The following LARGE2 variants were observed in gnomAD, a reference collection of about 807,000 sequenced individuals.
LARGE2 encodes xylosyl- and glucuronyltransferase LARGE2.
A neutral mutation model predicts 75.3 loss-of-function variants in LARGE2; 63 were observed. The ratio of observed to expected loss-of-function variants is 0.84; its 90% CI spans 0.68 to 1.03. The LOEUF (loss-of-function observed/expected upper bound fraction) is 1.03. LARGE2 is among the 50% of genes least tolerant of loss of function. LARGE2 has a pLI of 0.00. For synonymous variants in LARGE2, 428 were observed against 420.1 expected (o/e 1.02, Z -0.23); for missense variants, 925 against 980.6 (o/e 0.94, Z 0.76).
rs1340100556 is a variant in LARGE2, at chr11:45,922,942, G to GCTGCTC, written c.61_66dup (p.Leu21_Leu22dup). On this transcript the variant is annotated inframe_insertion, in exon 2 of 14. Coordinates refer to ENST00000401752, the MANE Select transcript of LARGE2 (RefSeq NM_001300721.2). ...CCGCCGCGCTGTTGCTGCTGCTGCTGCTGCTCGGATTCCTCCTGTTCGGTG... is the reference window on the plus strand; with the variant it reads ...CCGCCGCGCTGTTGCTGCTGCTGCTGCTGCTCCTGCTCGGATTCCTCCTGTTCGGTG... The GCTGCTC allele has an allele frequency of 7.8e-7, 1 of 1,288,232 alleles. No homozygotes were observed. 79.8% of individuals were successfully genotyped at this position (1,288,232 alleles called of 1,614,324 possible).
chr11:45,928,071 T>A lies in LARGE2; in HGVS notation c.1754+2T>A. On this transcript the variant is annotated splice_donor_variant, in intron 12 of 13. Coordinates refer to ENST00000401752, the MANE Select transcript of LARGE2 (RefSeq NM_001300721.2). LOFTEE classifies it high-confidence loss of function. ...TGCGGGCACTCTCTACACCTTCAGG[T>A]AGGAGAGGCTACTTCTCTGCCCACT... 1 of 1,613,532 alleles carries A rather than the reference T, an allele frequency of 6.2e-7. No individual in the cohort carries two copies. The highest frequency in any genetic ancestry group is 8.5e-7 in the Non-Finnish European group (1 of 1,179,908).
At position 45,927,348 on chromosome 11, in the gene LARGE2, G is replaced by A. The variant is rs199577565; in HGVS notation, c.1359G>A (p.Trp453Ter). 36 of 1,613,592 alleles carry A rather than the reference G, an allele frequency of 2.2e-5. No homozygotes were observed. The highest frequency in any genetic ancestry group is 5.9e-6 in the Non-Finnish European group (7 of 1,180,026). ...TGTTGGAAGCCCTGTGCAGGCACTG[G>A]CCTGGCCCCATGAGCCTGGCCTTGT... ...LQMLEALCRHWPGPMSLALYL... is the reference protein window; with the variant it reads ...LQMLEALCRH The change falls in exon 11 of 14, where the codon TGG (tryptophan) becomes TGA (stop). Residue 453 changes from tryptophan to a stop codon, truncating the protein, a stop_gained. Coordinates refer to ENST00000401752, the MANE Select transcript of LARGE2 (RefSeq NM_001300721.2). LOFTEE classifies it high-confidence loss of function.
upstream of LARGE2, among the ~76,000 whole-genome samples, chr11:45,922,083 G>T (rs1051855081): frequency 6.6e-6 from 1 of 152,078 alleles, no homozygotes; most frequent in African/African-American, 2.4e-5. Flanking sequence ...CCGCGTCTGG[G>T]GCCCCTCGCC....
intron 2 of LARGE2, 52 bp from the exon 3 acceptor site, chr11:45,923,421 C>T: frequency 2.6e-6 from 4 of 1,536,884 alleles, no homozygotes; most frequent in Non-Finnish European, 3.5e-6. Context: ...CATGGGTCCT[C>T]ACCGCCTAGC....
Position 45,922,911 on chromosome 11 carries a change from T to TG in LARGE2, c.34dup (p.Ala12GlyfsTer23). On this transcript the variant is annotated frameshift_variant, in exon 2 of 14. Transcript: ENST00000401752. LOFTEE classifies it high-confidence loss of function. ...CTGCCCCGAGGGCGCCCCCGGGCGC[T>TG]GGGGGCCGCCGCGCTGTTGCTGCTG... 8.0e-7 allele frequency: 1 copy of TG among 1,247,950 alleles called. No individual in the cohort carries two copies. Among genetic ancestry groups the TG allele is most frequent in the Non-Finnish European group, 1.0e-6 (1 of 1,000,332 alleles). 77.3% of individuals were successfully genotyped at this position (1,247,950 alleles called of 1,614,324 possible). A position where few individuals can be genotyped will look rare whatever the true frequency, so the allele number is the denominator to read the frequency against.
In LARGE2 at chr11:45,926,114, A is replaced by C; in HGVS notation, c.845A>C (p.Glu282Ala). ...ATGTGGAGGCTGACAGCCAGGCGGG[A>C]GCTCCTTAGCCTGCCTGCCACCTCA... ...EQMWRLTARR[E>A]LLSLPATSLA... Residue 282 changes from glutamate to alanine, a missense_variant, in exon 7 of 14, where the codon GAG becomes GCG. By Grantham distance (107) the Glu-to-Ala change is moderately radical. Around this residue, in one of 3 missense-constraint regions of LARGE2, gnomAD observed 453 missense variants for 460.2 expected, o/e 0.98. Coordinates refer to ENST00000401752, the MANE Select transcript of LARGE2 (RefSeq NM_001300721.2). The C allele has an allele frequency of 1.3e-6, 2 of 1,570,320 alleles. No homozygotes were observed. Among genetic ancestry groups the C allele is most frequent in the South Asian group, 2.3e-5 (2 of 86,238 alleles).
In LARGE2 at chr11:45,923,515, C is replaced by A; in HGVS notation, c.328C>A (p.Arg110=). ...AIVCAGHNSS[R]DVITLVKSML... is the part of the protein sequence containing the mutation. ...CGTGTGTGCGGGGCATAACTCCAGCCGAGACGTCATCACCCTGGTGAAGTC... is the reference window on the plus strand; with the variant it reads ...CGTGTGTGCGGGGCATAACTCCAGCAGAGACGTCATCACCCTGGTGAAGTC... Residue 110 remains arginine (R), a synonymous_variant, in exon 3 of 14, where the codon CGA becomes AGA. Coordinates refer to ENST00000401752, the MANE Select transcript of LARGE2 (RefSeq NM_001300721.2). The A allele has an allele frequency of 1.2e-6, 2 of 1,613,960 alleles. No individual in the cohort carries two copies. The highest frequency in any genetic ancestry group is 8.5e-7 in the Non-Finnish European group (1 of 1,179,998).
chr11:45,924,267 A>C lies in LARGE2; in HGVS notation c.482A>C (p.Asp161Ala). The C allele has an allele frequency of 6.2e-7, 1 of 1,613,272 alleles. No individual in the cohort carries two copies. Among genetic ancestry groups the C allele is most frequent in the Non-Finnish European group, 8.5e-7 (1 of 1,180,010 alleles). ...GTCCGTGTCAGCTTTTATCATGCCGACCAGCTCAAGGCAGGGGCCCAGCCC... is the reference window on the plus strand; with the variant it reads ...GTCCGTGTCAGCTTTTATCATGCCGCCCAGCTCAAGGCAGGGGCCCAGCCC... The part of the protein sequence containing the change: ...PAVRVSFYHA[D>A]QLKPQVSWIP... Residue 161 changes from aspartate (D) to alanine (A), a missense_variant, in exon 4 of 14, where the codon GAC becomes GCC. This residue lies in a region of LARGE2 where 453 missense variants were observed against 460.2 expected (regional missense o/e 0.98). Coordinates refer to ENST00000401752, the MANE Select transcript of LARGE2 (RefSeq NM_001300721.2).
intron 11 of LARGE2, 96 bp downstream of exon 11, chr11:45,927,689 G>T: frequency 6.6e-7 from 1 of 1,525,472 alleles, no homozygotes; most frequent in Non-Finnish European, 9.0e-7. Context: ...TCCTTTCTGG[G>T]CCTCAGTGGC....
Position 45,928,220 on chromosome 11 carries a change from C to T in LARGE2, c.1798C>T (p.Arg600Cys), listed in dbSNP as rs575481241. ...PRGHAPTDYA[R>C]WREAQAPYRV... ...AGGCCACGCACCCACAGACTATGCC[C>T]GCTGGCGGGAGGCTCAGGCCCCGTA... The change falls in exon 13 of 14, where the codon CGC becomes TGC. Residue 600 changes from arginine (R) to cysteine (C), a missense_variant. Around this residue, in one of 3 missense-constraint regions of LARGE2, gnomAD observed 469 missense variants for 503.8 expected, o/e 0.93. Coordinates refer to ENST00000401752, the MANE Select transcript of LARGE2 (RefSeq NM_001300721.2). 20 of 1,613,822 alleles carry T rather than the reference C, an allele frequency of 1.2e-5. No homozygotes were observed. The highest frequency in any genetic ancestry group is 6.6e-5 in the South Asian group (6 of 91,090).
chr11:45,926,592 G>A lies in LARGE2; in HGVS notation c.1159G>A (p.Glu387Lys), dbSNP rs1044551403. The A allele has an allele frequency of 9.9e-6, 16 of 1,613,942 alleles. No homozygotes were observed. The African/African-American group carries it at 1.6e-4, about 16-fold the overall frequency. The change falls in exon 9 of 14, where the codon GAG (glutamate) becomes AAG (lysine). Residue 387 changes from glutamate (E) to lysine (K), a missense_variant. Around this residue, in one of 3 missense-constraint regions of LARGE2, gnomAD observed 469 missense variants for 503.8 expected, o/e 0.93. Transcript: ENST00000401752. Reference protein sequence around the residue: ...VCPSQPPPGAEQLQQALAQLD... With the variant: ...VCPSQPPPGAKQLQQALAQLD... ...CCCCAGCCAGCCCCCACCTGGTGCT[G>A]AGCAGGTGAGAAGGAGTCACCTTCC...
rs2087158283 is a variant in LARGE2, at chr11:45,926,555, GCT to G, written c.1125_1126del (p.Phe376CysfsTer11). On this transcript the variant is annotated frameshift_variant, in exon 9 of 14. Transcript: ENST00000401752. LOFTEE classifies it high-confidence loss of function. ...ACGATGGGAACCTGCTGCGGAGAGA[GCT>G]CTTTGTGTGCCCCAGCCAGCCCCCA... ...EYDGNLLRRELFVCPSQPPPG... is the reference protein window; with the variant it reads ...EYDGNLLRREXFVCPSQPPPG... The G allele has an allele frequency of 1.2e-6, 2 of 1,613,978 alleles. No homozygotes were observed. Among genetic ancestry groups the G allele is most frequent in the South Asian group, 1.1e-5 (1 of 91,090 alleles).
chr11:45,928,176 G>C lies in LARGE2; in HGVS notation c.1755-1G>C. 6.2e-7 allele frequency: 1 copy of C among 1,613,512 alleles called. No homozygotes were observed. Among genetic ancestry groups the C allele is most frequent in the Non-Finnish European group, 8.5e-7 (1 of 1,179,998 alleles). On this transcript the variant is annotated splice_acceptor_variant, in intron 12 of 13. Coordinates refer to ENST00000401752, the MANE Select transcript of LARGE2 (RefSeq NM_001300721.2). LOFTEE classifies it high-confidence loss of function. ...GGCTCCCACCCGACCCTGCTGCACA[G>C]GTACCACGAGTGGCCCCGAGGCCAC...
intron 11 of LARGE2, 32 bp from the exon 12 acceptor site, chr11:45,927,888 C>T (rs1450562168): frequency 6.2e-7 from 1 of 1,610,866 alleles, no homozygotes. Context: ...ATGCCCCGCT[C>T]TTCTCCCCTG....
chr11:45,927,632 G>A, intron 11 of LARGE2, 39 bp downstream of exon 11: 2 of 1,600,188 alleles, frequency 1.2e-6, no homozygotes, highest in Non-Finnish European at 8.5e-7. Context: ...TATATGGGGT[G>A]GACGTGGACG....
chr11:45,922,965 G>A lies in LARGE2; in HGVS notation c.83G>A (p.Gly28Asp). ...CTGCTGCTCGGATTCCTCCTGTTCGGTGGGGACCTGGGGTGTGAGCGCCGC... is the reference window on the plus strand; with the variant it reads ...CTGCTGCTCGGATTCCTCCTGTTCGATGGGGACCTGGGGTGTGAGCGCCGC... The part of the protein sequence containing the change: ...LLLLLGFLLF[G>D]GDLGCERREP... Residue 28 changes from glycine to aspartate, a missense_variant, in exon 2 of 14, where the codon GGT becomes GAT. Coordinates refer to ENST00000401752, the MANE Select transcript of LARGE2 (RefSeq NM_001300721.2). 2 of 1,315,912 alleles carry A rather than the reference G, an allele frequency of 1.5e-6. No homozygotes were observed. Among genetic ancestry groups the A allele is most frequent in the South Asian group, 2.2e-5 (1 of 45,466 alleles). 81.5% of individuals were successfully genotyped at this position (1,315,912 alleles called of 1,614,324 possible). A position where few individuals can be genotyped will look rare whatever the true frequency, so the allele number is the denominator to read the frequency against.
chr11:45,926,408 G>C, intron 8 of LARGE2, 34 bp from the exon 9 acceptor site: 1 of 1,613,706 alleles, frequency 6.2e-7, no homozygotes, highest in Non-Finnish European at 8.5e-7. Context: ...TCTGCTCCCT[G>C]CTCCCATGGC....
intron 11 of LARGE2, 154 bp from the exon 12 acceptor site, chr11:45,927,766 T>A (rs2087257064): frequency 7.0e-7 from 1 of 1,428,634 alleles, no homozygotes; most frequent in East Asian, 2.3e-5. Flanking sequence ...AGGGCCGGCT[T>A]CAACAGCAGC....
In LARGE2 at chr11:45,926,347, G is replaced by C. The variant is rs1373262135; in HGVS notation, c.1008G>C (p.Lys336Asn). The C allele has an allele frequency of 6.2e-7, 1 of 1,614,030 alleles. No individual in the cohort carries two copies. Among genetic ancestry groups the C allele is most frequent in the Non-Finnish European group, 8.5e-7 (1 of 1,180,048 alleles). The change falls in exon 8 of 14, where the codon AAG (lysine) becomes AAC (asparagine). Residue 336 changes from lysine (K) to asparagine (N), a missense_variant and splice_region_variant. Physicochemically the swap from Lys to Asn is moderately conservative, Grantham distance 94 (BLOSUM62 0). This residue lies in a region of LARGE2 where 3 missense variants were observed against 16.5 expected (regional missense o/e 0.18). Coordinates refer to ENST00000401752, the MANE Select transcript of LARGE2 (RefSeq NM_001300721.2). ...ERCYSEASDLKVIHWNSPKKL... is the reference protein window; with the variant it reads ...ERCYSEASDLNVIHWNSPKKL... ...GCTACTCTGAGGCGTCTGACCTCAA[G>C]GTGAGTGGGACAAGAGGCTGTGTGG...
Sources: allele counts gnomAD v4.1 joint callset (sites outside exome capture counted in the v4.1 genomes callset), GRCh38; gene constraint gnomAD v4.1.1; regional missense constraint gnomAD v4.1.1; transcripts MANE v1.5; gene names NCBI Gene and HGNC (gene_info 2026-07-23, HGNC 2026-07-21).